Variants in TMEM185A observed in about 807,000 individuals in gnomAD.
TMEM185A encodes transmembrane protein 185A.
In TMEM185A, 9 loss-of-function variants were observed where a neutral mutation model predicts 25.0. The ratio of observed to expected loss-of-function variants is 0.36; its 90% CI spans 0.22 to 0.63. TMEM185A has a LOEUF of 0.63. Ranked by LOEUF, TMEM185A falls within the 20% of genes least tolerant of loss-of-function variation. The pLI is 0.68. For missense variants in TMEM185A, 103 were observed against 237.4 expected, an observed-to-expected ratio of 0.43 and a Z score of 3.72; for synonymous variants, 45 against 93.5, an observed-to-expected ratio of 0.48 and a Z score of 2.99.
chrX:149,624,605 G>T (rs1347444436), intron 1 of TMEM185A, among the ~76,000 whole-genome samples: 2 of 111,691 alleles, frequency 1.8e-5, no homozygotes, highest in African/African-American at 3.3e-5. Context: ...GCACATCCCA[G>T]TCTAAAGCTT....
Position 149,603,755 on chromosome X carries a change from A to G in TMEM185A, c.507+232T>C, listed in dbSNP as rs781955548. 15 of 291,128 alleles carry G rather than the reference A, an allele frequency of 5.2e-5. No individual in the cohort carries two copies. The East Asian group carries it at 7.8e-4, about 15-fold the overall frequency. The allele number at this position is 291,128 out of a possible 1,213,427, so 24.0% of individuals were successfully genotyped here. On this transcript the variant is annotated intron_variant, in intron 4 of 6. Transcript: ENST00000600449. ...AACATGATAAAATGTTTATGATACA[A>G]CATTAAAACAAAAAAATCAGGATAC...
chrX:149,609,826 C>T (rs2090072401), intron 2 of TMEM185A, among the ~76,000 whole-genome samples: 1 of 112,173 alleles, frequency 8.9e-6, no homozygotes, highest in Admixed American at 9.4e-5. Context: ...TTAAATAAGA[C>T]CAACAAAGAG....
intron 1 of TMEM185A, among the ~76,000 whole-genome samples, chrX:149,615,157 T>C (rs997596922): frequency 3.6e-5 from 4 of 112,318 alleles, no homozygotes; most frequent in Non-Finnish European, 5.6e-5. Context: ...GATTGCAAGA[T>C]TGCAATCTTG....
intron 1 of TMEM185A, among the ~76,000 whole-genome samples, chrX:149,618,983 G>A (rs2090125293): frequency 9.0e-6 from 1 of 111,645 alleles, no homozygotes; most frequent in African/African-American, 3.3e-5. Context: ...TATTTTAATA[G>A]CTCTTTCAGA....
intron 1 of TMEM185A, among the ~76,000 whole-genome samples, chrX:149,612,616 G>A (rs782518747): frequency 7.1e-5 from 8 of 112,407 alleles, no homozygotes; most frequent in East Asian, 2.8e-4. Flanking sequence ...TTAAAACAAC[G>A]TAAATTTATT....
chrX:149,627,712 T>C lies in TMEM185A; in HGVS notation c.38+3831A>G, dbSNP rs113805353. On this transcript the variant is annotated intron_variant, in intron 1 of 6. Coordinates refer to ENST00000600449, the MANE Select transcript of TMEM185A (RefSeq NM_032508.4). The stretch of plus-strand genomic sequence containing the variant: ...TTTCTTTCACTGTAATGCCTCATAC[T>C]CTATTGAATTCTTATTTCCCTTTCA... 2.5e-3 allele frequency among the ~76,000 whole-genome samples: 287 copies of C among 112,588 alleles called. 2 individuals carry two copies. The highest frequency in any genetic ancestry group is 6.8e-3 in the Admixed American group (73 of 10,703).
chrX:149,603,257 G>C (rs983284635), intron 4 of TMEM185A, among the ~76,000 whole-genome samples: 1 of 110,676 alleles, frequency 9.0e-6, no homozygotes, highest in African/African-American at 3.3e-5. Context: ...GCATGACATA[G>C]ATGCCACCAC....
At chrX:149,609,507 G>C (rs1236737561) in intron 2 of TMEM185A, among the ~76,000 whole-genome samples, 1 of 112,709 alleles carries the variant, frequency 8.9e-6, no homozygotes, top group Non-Finnish European at 1.9e-5. Flanking sequence ...AATTAGCTAA[G>C]TATCATGCAC....
At chrX:149,602,964 G>A (rs189555263) in intron 4 of TMEM185A, among the ~76,000 whole-genome samples, 14 of 111,905 alleles carry the variant, frequency 1.3e-4, no homozygotes, top group Non-Finnish European at 1.9e-5. Flanking sequence ...CTTTTTAAGG[G>A]TAGCTATATT....
chrX:149,604,822 C>G (rs930403220), intron 3 of TMEM185A, among the ~76,000 whole-genome samples: 10 of 111,405 alleles, frequency 9.0e-5, no homozygotes, highest in Non-Finnish European at 1.7e-4. Context: ...AACACTTCAA[C>G]TGGCATCCTA....
chrX:149,607,806 C>A (rs2090060264), intron 3 of TMEM185A, among the ~76,000 whole-genome samples: 1 of 111,689 alleles, frequency 9.0e-6, no homozygotes, highest in African/African-American at 3.3e-5. Context: ...CTTGGCTGGG[C>A]TATAGTACCC....
At position 149,602,226 on chromosome X, in the gene TMEM185A, C is replaced by T. The variant is rs1417324494; in HGVS notation, c.508-1747G>A. 3 of 108,361 alleles carry T rather than the reference C, an allele frequency of 2.8e-5. No individual in the cohort carries two copies. The East Asian group carries it at 8.7e-4, about 31-fold the overall frequency. The allele number at this position is 108,361 out of a possible 1,213,427, so 8.9% of individuals were successfully genotyped here. On this transcript the variant is annotated intron_variant, in intron 4 of 6. Transcript: ENST00000600449. The stretch of plus-strand genomic sequence containing the variant: ...TTTCTCCCAGTCTGTGGCCTGTCTT[C>T]ATTTCATTTTAATTTTGAGGAAGTC...
In TMEM185A at chrX:149,625,509, A is replaced by G. The variant is rs2090159184; in HGVS notation, c.38+6034T>C. ...AATTCCAATGGTACTTCATTACTCA[A>G]ATCATCTTTGAAGCTTTCTTCTTGG... On this transcript the variant is annotated intron_variant, in intron 1 of 6. Coordinates refer to ENST00000600449, the MANE Select transcript of TMEM185A (RefSeq NM_032508.4). Among the ~76,000 whole-genome samples the G allele has an allele frequency of 3.5e-5, 4 of 112,745 alleles. No homozygotes were observed. In the South Asian group the frequency reaches 1.1e-3, roughly 31 times the overall value.
At chrX:149,631,508 G>A (rs1557356633) in intron 1 of TMEM185A, 35 bp downstream of exon 1, 1 of 1,150,551 alleles carries the variant, frequency 8.7e-7, no homozygotes, top group South Asian at 2.0e-5. Flanking sequence ...AGCCCGCAGC[G>A]CGGACTCCCG....
chrX:149,611,608 A>G, intron 1 of TMEM185A, 145 bp from the exon 2 acceptor site: 1 of 518,634 alleles, frequency 1.9e-6, no homozygotes, highest in Non-Finnish European at 3.1e-6. Context: ...TATGGGGCAG[A>G]CATAATGTGT....
intron 1 of TMEM185A, among the ~76,000 whole-genome samples, chrX:149,621,332 T>C (rs1189172336): frequency 9.0e-6 from 1 of 111,685 alleles, no homozygotes; most frequent in African/African-American, 3.3e-5. Flanking sequence ...AGTACCAAAA[T>C]GTTTTAAATG....
At chrX:149,607,302 A>C (rs1188035621) in intron 3 of TMEM185A, among the ~76,000 whole-genome samples, 1 of 112,054 alleles carries the variant, frequency 8.9e-6, no homozygotes, top group Non-Finnish European at 1.9e-5. Context: ...CACGGCTCAA[A>C]ACCAGGCATC....
At chrX:149,615,016 C>G (rs1396477158) in intron 1 of TMEM185A, among the ~76,000 whole-genome samples, 8 of 112,050 alleles carry the variant, frequency 7.1e-5, no homozygotes, top group Non-Finnish European at 1.5e-4. Context: ...GATAACAAAA[C>G]TGACAAAGAA....
intron 1 of TMEM185A, among the ~76,000 whole-genome samples, chrX:149,615,794 G>C (rs938046660): frequency 8.9e-6 from 1 of 111,995 alleles, no homozygotes; most frequent in Admixed American, 9.4e-5. Flanking sequence ...AAAACACTTA[G>C]GGATAAATGT....
Sources: gnomAD v4.1 joint callset for allele counts (sites outside exome capture counted in the v4.1 genomes callset) on GRCh38, gnomAD v4.1.1 for gene constraint, MANE v1.5 for transcripts, NCBI Gene and HGNC (gene_info 2026-07-23, HGNC 2026-07-21) for gene names.